Variants in UNG observed in about 807,000 individuals in gnomAD.
UNG encodes uracil DNA glycosylase.
A neutral mutation model predicts 36.5 loss-of-function variants in UNG; 34 were observed. The ratio of observed to expected loss-of-function variants is 0.93; its 90% CI spans 0.71 to 1.24. The LOEUF (loss-of-function observed/expected upper bound fraction) is 1.24, where lower values mean the gene tolerates loss of function less well. UNG is among the 50% of genes most tolerant of loss of function. The pLI is 0.00. For missense variants in UNG, 391 were observed against 397.6 expected, an observed-to-expected ratio of 0.98 and a Z score of 0.14; for synonymous variants, 172 against 157.8, an observed-to-expected ratio of 1.09 and a Z score of -0.67.
intron 6 of UNG, among the ~76,000 whole-genome samples, chr12:109,107,197 T>C (rs1018227739): frequency 6.6e-6 from 1 of 151,812 alleles, no homozygotes; most frequent in Non-Finnish European, 1.5e-5. Flanking sequence ...AGGTGATGTA[T>C]GACTATTGCT....
chr12:109,105,654 C>G (rs1171718121), intron 6 of UNG, among the ~76,000 whole-genome samples: 1 of 152,240 alleles, frequency 6.6e-6, no homozygotes. Context: ...AAAGCACCAT[C>G]ATCTGCCCAG....
At chr12:109,098,356 GT>G (rs1455786766) in intron 1 of UNG, 75 bp from the exon 2 acceptor site, 24 of 1,603,126 alleles carry the variant, frequency 1.5e-5, no homozygotes, top group Non-Finnish European at 2.0e-5. Context: ...GGCCGTGGGG[GT>G]TGGGCCGGAA....
At position 109,097,628 on chromosome 12, in the gene UNG, T is replaced by C. The variant is rs762652189; in HGVS notation, c.-52T>C. The C allele has an allele frequency of 1.3e-6, 2 of 1,585,228 alleles. No homozygotes were observed. The highest frequency in any genetic ancestry group is 8.6e-7 in the Non-Finnish European group (1 of 1,165,664). Reference sequence around the variant, plus strand: ...TGACCGCCACAGCCACAGCCAGGGCTAGCCTCGCCGGTTCCCGGGTGGCGC... The same window carrying C: ...TGACCGCCACAGCCACAGCCAGGGCCAGCCTCGCCGGTTCCCGGGTGGCGC... On this transcript the variant is annotated 5_prime_UTR_variant, in exon 1 of 7. Transcript: ENST00000242576.
At position 109,101,900 on chromosome 12, in the gene UNG, A is replaced by G; in HGVS notation, c.436-2A>G. 1 of 1,613,796 alleles carries G rather than the reference A, an allele frequency of 6.2e-7. No homozygotes were observed. Among genetic ancestry groups the G allele is most frequent in the Non-Finnish European group, 8.5e-7 (1 of 1,179,794 alleles). On this transcript the variant is annotated splice_acceptor_variant, in intron 3 of 6. Coordinates refer to ENST00000242576, the MANE Select transcript of UNG (RefSeq NM_080911.3). LOFTEE classifies it high-confidence loss of function. Reference sequence around the variant, plus strand: ...TAATTCCTGACCCCTGGTGGTTCACAGGTGAAGGTTGTCATCCTGGGACAG... The same window carrying G: ...TAATTCCTGACCCCTGGTGGTTCACGGGTGAAGGTTGTCATCCTGGGACAG...
Position 109,097,609 on chromosome 12 carries a change from C to A in UNG, c.-71C>A. ...GCCGCTTGGCGCCAATTGCTGACCG[C>A]CACAGCCACAGCCAGGGCTAGCCTC... On this transcript the variant is annotated 5_prime_UTR_variant, in exon 1 of 7. Coordinates refer to ENST00000242576, the MANE Select transcript of UNG (RefSeq NM_080911.3). 6.4e-7 allele frequency: 1 copy of A among 1,565,172 alleles called. No homozygotes were observed. The highest frequency in any genetic ancestry group is 1.2e-5 in the South Asian group (1 of 85,530).
chr12:109,108,282 A>G (rs760270275), intron 6 of UNG, among the ~76,000 whole-genome samples: 2 of 152,084 alleles, frequency 1.3e-5, no homozygotes, highest in African/African-American at 2.4e-5. Flanking sequence ...CGACTTTACA[A>G]TGGTGTATAA....
intron 3 of UNG, among the ~76,000 whole-genome samples, chr12:109,100,491 G>A (rs1019189429): frequency 1.3e-5 from 2 of 152,152 alleles, no homozygotes; most frequent in African/African-American, 2.4e-5. Flanking sequence ...AGAAAATCTC[G>A]TAAGCTTAAT....
rs1441689850 is a variant in UNG at position 109,110,776 on chromosome 12, T to G, written c.*807T>G. ...TTTTTTTAACCGACTGAAATCACTT[T>G]GGGATATTTTTTCCTGCAACACTGG... On this transcript the variant is annotated 3_prime_UTR_variant, in exon 7 of 7. Transcript: ENST00000242576. 6.6e-6 allele frequency: 1 copy of G among 152,056 alleles called. No individual in the cohort carries two copies. The highest frequency in any genetic ancestry group is 1.5e-5 in the Non-Finnish European group (1 of 68,028). The allele number at this position is 152,056 out of a possible 1,614,324, so 9.4% of individuals were successfully genotyped here. A position where few individuals can be genotyped will look rare whatever the true frequency, so the allele number is the denominator to read the frequency against.
chr12:109,098,771 A>C (rs908501792), intron 2 of UNG, 133 bp downstream of exon 2: 8 of 1,164,418 alleles, frequency 6.9e-6, no homozygotes, highest in Non-Finnish European at 9.7e-6. Flanking sequence ...TTTACTCACA[A>C]AGGGGGTAAA....
Position 109,109,999 on chromosome 12 carries a change from C to A in UNG, c.*30C>A. 6.2e-7 allele frequency: 1 copy of A among 1,613,970 alleles called. No individual in the cohort carries two copies. Among genetic ancestry groups the A allele is most frequent in the Non-Finnish European group, 8.5e-7 (1 of 1,179,968 alleles). ...CAGCTGAGGGGTGGCCTTTGAGAAG[C>A]TGCTGTTAACGTATTTGCCAGTTAC... is the stretch of plus-strand genomic sequence containing the variant. On this transcript the variant is annotated 3_prime_UTR_variant, in exon 7 of 7. Coordinates refer to ENST00000242576, the MANE Select transcript of UNG (RefSeq NM_080911.3).
At chr12:109,099,040 T>G in intron 2 of UNG, 149 bp from the exon 3 acceptor site, 1 of 832,362 alleles carries the variant, frequency 1.2e-6, no homozygotes, top group Non-Finnish European at 1.9e-6. Flanking sequence ...GCAGGCACTG[T>G]TTTTGTTTGT....
Position 109,098,497 on chromosome 12 carries a change from G to C in UNG, c.198G>C (p.Leu66=), listed in dbSNP as rs781147313. The C allele has an allele frequency of 1.2e-6, 2 of 1,612,636 alleles. No homozygotes were observed. Among genetic ancestry groups the C allele is most frequent in the East Asian group, 2.2e-5 (1 of 44,888 alleles). The change falls in exon 2 of 7, where the codon CTG becomes CTC. Residue 66 remains leucine, a synonymous_variant. Coordinates refer to ENST00000242576, the MANE Select transcript of UNG (RefSeq NM_080911.3). ...CTGGGACGCCGCCCTCCTCGCCGCTGAGTGCCGAGCAGTTGGACCGGATCC... is the reference window on the plus strand; with the variant it reads ...CTGGGACGCCGCCCTCCTCGCCGCTCAGTGCCGAGCAGTTGGACCGGATCC... ...EEPGTPPSSP[L]SAEQLDRIQR... is the part of the protein sequence containing the mutation.
At chr12:109,108,645 T>C (rs904185684) in intron 6 of UNG, among the ~76,000 whole-genome samples, 1 of 151,118 alleles carries the variant, frequency 6.6e-6, no homozygotes, top group Non-Finnish European at 1.5e-5. Flanking sequence ...AAATAAAAAA[T>C]TAAAAAAAAA....
chr12:109,110,243 T>C lies in UNG; in HGVS notation c.*274T>C, dbSNP rs745695479. On this transcript the variant is annotated 3_prime_UTR_variant, in exon 7 of 7. Coordinates refer to ENST00000242576, the MANE Select transcript of UNG (RefSeq NM_080911.3). ...AGGTCAAATACTCAGTTGGCTCTCT[T>C]TATCTCCCTTGCCTTTATGGTGAAA... The C allele has an allele frequency of 1.4e-4, 69 of 482,814 alleles. No individual in the cohort carries two copies. The highest frequency in any genetic ancestry group is 2.2e-4 in the Non-Finnish European group (57 of 265,028). 29.9% of individuals were successfully genotyped at this position (482,814 alleles called of 1,614,324 possible).
At position 109,110,753 on chromosome 12, in the gene UNG, T is replaced by C. The variant is rs2042256574; in HGVS notation, c.*784T>C. On this transcript the variant is annotated 3_prime_UTR_variant, in exon 7 of 7. Coordinates refer to ENST00000242576, the MANE Select transcript of UNG (RefSeq NM_080911.3). Reference sequence around the variant, plus strand: ...CAGCACAGACTGCCAAGTACTGTTTTTTTTAACCGACTGAAATCACTTTGG... The same window carrying C: ...CAGCACAGACTGCCAAGTACTGTTTCTTTTAACCGACTGAAATCACTTTGG... 6.6e-6 allele frequency: 1 copy of C among 152,174 alleles called. No homozygotes were observed. Among genetic ancestry groups the C allele is most frequent in the African/African-American group, 2.4e-5 (1 of 41,424 alleles). The allele number at this position is 152,174 out of a possible 1,614,324, so 9.4% of individuals were successfully genotyped here. A position where few individuals can be genotyped will look rare whatever the true frequency, so the allele number is the denominator to read the frequency against.
In UNG at chr12:109,101,945, A is replaced by G; in HGVS notation, c.479A>G (p.Asn160Ser). Residue 160 changes from asparagine to serine, a missense_variant, in exon 4 of 7, where the codon AAT (asparagine) becomes AGT (serine). Physicochemically the swap from Asn to Ser is conservative, Grantham distance 46. Transcript: ENST00000242576. Reference sequence around the variant, plus strand: ...GGACAGGATCCATATCATGGACCTAATCAAGCTCACGGGCTCTGCTTTAGT... The same window carrying G: ...GGACAGGATCCATATCATGGACCTAGTCAAGCTCACGGGCTCTGCTTTAGT... ...ILGQDPYHGP[N>S]QAHGLCFSVQ... 1 of 1,614,096 alleles carries G rather than the reference A, an allele frequency of 6.2e-7. No individual in the cohort carries two copies. Among genetic ancestry groups the G allele is most frequent in the Non-Finnish European group, 8.5e-7 (1 of 1,180,018 alleles).
chr12:109,097,870 G>T, intron 1 of UNG, 59 bp downstream of exon 1: 1 of 1,460,782 alleles, frequency 6.8e-7, no homozygotes, highest in Non-Finnish European at 9.0e-7. Flanking sequence ...GGTGGGCCCC[G>T]CCTGACGGAG....
intron 6 of UNG, among the ~76,000 whole-genome samples, chr12:109,109,157 C>A (rs1593325793): frequency 1.3e-5 from 2 of 152,262 alleles, no homozygotes; most frequent in East Asian, 3.9e-4. Context: ...AAGATGTTAA[C>A]CCCATCCATT....
chr12:109,109,483 G>A (rs246080), intron 6 of UNG, among the ~76,000 whole-genome samples: 80,147 of 147,382 alleles, frequency 0.54, 23,064 homozygotes, highest in African/African-American at 0.76. Context: ...CCTTTTTGGG[G>A]AAAAAAAAAA....
Sources: gnomAD v4.1 joint callset for allele counts (sites outside exome capture counted in the v4.1 genomes callset) on GRCh38, gnomAD v4.1.1 for gene constraint, MANE v1.5 for transcripts, NCBI Gene and HGNC (gene_info 2026-07-23, HGNC 2026-07-21) for gene names.